Variants in TRIM2 observed in about 807,000 individuals in gnomAD.
TRIM2 encodes the protein tripartite motif containing 2.
A neutral mutation model predicts 75.2 loss-of-function variants in TRIM2; 20 were observed. The ratio of observed to expected loss-of-function variants is 0.27; its 90% CI spans 0.19 to 0.39. The LOEUF (loss-of-function observed/expected upper bound fraction) is 0.39, where lower values mean the gene tolerates loss of function less well. TRIM2 is among the 10% of genes least tolerant of loss of function. The pLI, the probability that TRIM2 is intolerant of heterozygous loss-of-function variation, is 1.00. For missense variants in TRIM2, 660 were observed against 990.8 expected, an observed-to-expected ratio of 0.67 and a Z score of 4.48; for synonymous variants, 373 against 388.3, an observed-to-expected ratio of 0.96 and a Z score of 0.46.
intron 1 of TRIM2, among the ~76,000 whole-genome samples, chr4:153,175,902 C>T (rs1731386435): frequency 6.6e-6 from 1 of 151,860 alleles, no homozygotes; most frequent in East Asian, 1.9e-4. Flanking sequence ...AAGGGGCCGC[C>T]GAGTGCTCTG....
intron 1 of TRIM2, among the ~76,000 whole-genome samples, chr4:153,212,048 C>A (rs566032295): frequency 6.6e-6 from 1 of 152,096 alleles, no homozygotes; most frequent in East Asian, 1.9e-4. Context: ...TAGCTTCTGG[C>A]GGTAGGCTAC....
intron 8 of TRIM2, among the ~76,000 whole-genome samples, chr4:153,318,536 C>CT (rs1491146296): frequency 6.6e-6 from 1 of 152,090 alleles, no homozygotes; most frequent in Non-Finnish European, 1.5e-5. Context: ...CTTCTTCCCC[C>CT]TTTTTTGCAT....
At chr4:153,229,358 G>T (rs889042273) in intron 1 of TRIM2, among the ~76,000 whole-genome samples, 5 of 152,074 alleles carry the variant, frequency 3.3e-5, no homozygotes, top group African/African-American at 1.2e-4. Flanking sequence ...CCGCCTCCCG[G>T]GTTTAAACAA....
chr4:153,253,187 C>G (rs1751269275), intron 1 of TRIM2, among the ~76,000 whole-genome samples: 1 of 152,094 alleles, frequency 6.6e-6, no homozygotes, highest in Non-Finnish European at 1.5e-5. Flanking sequence ...AGAAGTTAAC[C>G]AGGGGCAGGA....
At chr4:153,316,359 T>C (rs186887195) in intron 8 of TRIM2, among the ~76,000 whole-genome samples, 2 of 152,334 alleles carry the variant, frequency 1.3e-5, no homozygotes, top group East Asian at 3.9e-4. Context: ...AGTCTACATG[T>C]TGTCACTTAG....
At chr4:153,237,384 T>TAA (rs34545906) in intron 1 of TRIM2, among the ~76,000 whole-genome samples, 104,444 of 151,802 alleles carry the variant, frequency 0.69, 37,080 homozygotes, top group African/African-American at 0.85. Context: ...TGCATACTAA[T>TAA]AAAAAGAGTC....
chr4:153,328,910 A>G (rs1463660584), intron 11 of TRIM2, among the ~76,000 whole-genome samples: 2 of 152,178 alleles, frequency 1.3e-5, no homozygotes, highest in Admixed American at 1.3e-4. Context: ...GGGTCTGAAG[A>G]TAGAATTCAA....
At chr4:153,165,222 A>T (rs1256780117) in intron 1 of TRIM2, among the ~76,000 whole-genome samples, 2 of 152,194 alleles carry the variant, frequency 1.3e-5, no homozygotes, top group African/African-American at 4.8e-5. Flanking sequence ...AGAACCCCAT[A>T]TCTTTTCCTT....
chr4:153,331,742 G>GGTA (rs372081267), intron 11 of TRIM2, among the ~76,000 whole-genome samples: 1,744 of 152,312 alleles, frequency 0.011, 23 homozygotes, highest in East Asian at 0.076. Context: ...TAAGCTATAT[G>GGTA]ACTTACTATA....
At position 153,246,673 on chromosome 4, in the gene TRIM2, G is replaced by C. The variant is rs74524862; in HGVS notation, c.31-23662G>C. Reference sequence around the variant, plus strand: ...GAGTAGGAAAGAGGGTGGGAGAAAGGGGGAGGAAGAATAGAGGATGAGAGA... The same window carrying C: ...GAGTAGGAAAGAGGGTGGGAGAAAGCGGGAGGAAGAATAGAGGATGAGAGA... On this transcript the variant is annotated intron_variant, in intron 1 of 11. Coordinates refer to ENST00000338700, the MANE Select transcript of TRIM2 (RefSeq NM_015271.5). Among the ~76,000 whole-genome samples, 1,273 of 152,180 alleles carry C rather than the reference G, an allele frequency of 8.4e-3. 17 individuals are homozygous for C. The highest frequency in any genetic ancestry group is 0.029 in the African/African-American group (1,195 of 41,508).
At chr4:153,273,098 A>G (rs886699560) in intron 2 of TRIM2, among the ~76,000 whole-genome samples, 8 of 151,528 alleles carry the variant, frequency 5.3e-5, no homozygotes, top group Non-Finnish European at 1.0e-4. Context: ...CGGCCTCCCA[A>G]AGAGCAGGGA....
chr4:153,244,396 C>A lies in TRIM2; in HGVS notation c.31-25939C>A, dbSNP rs554045666. Among the ~76,000 whole-genome samples, 3 of 80,140 alleles carry A rather than the reference C, an allele frequency of 3.7e-5. 1 individual carries two copies. The highest frequency in any genetic ancestry group is 2.6e-4 in the African/African-American group (3 of 11,618). 52.6% of individuals were successfully genotyped at this position (80,140 alleles called of 152,430 possible). ...TCTTCTTCTTCTTCTTCTTCTTCTTCTTCTTCTTCTTCTTCTTCTTCTTCT... is the reference window on the plus strand; with the variant it reads ...TCTTCTTCTTCTTCTTCTTCTTCTTATTCTTCTTCTTCTTCTTCTTCTTCT... On this transcript the variant is annotated intron_variant, in intron 1 of 11. Coordinates refer to ENST00000338700, the MANE Select transcript of TRIM2 (RefSeq NM_015271.5).
At chr4:153,155,327 A>G (rs778931736) in intron 1 of TRIM2, among the ~76,000 whole-genome samples, 5 of 152,228 alleles carry the variant, frequency 3.3e-5, no homozygotes, top group Non-Finnish European at 5.9e-5. Context: ...CTAGAAATAA[A>G]TACTTCTACT....
chr4:153,280,692 T>A (rs1183106143), intron 3 of TRIM2, among the ~76,000 whole-genome samples: 2 of 56,572 alleles, frequency 3.5e-5, no homozygotes, highest in Non-Finnish European at 6.3e-5. Flanking sequence ...CAGCAAATTC[T>A]TTTTTTTTTT....
At chr4:153,152,405 TGTG>T (rs1728809002), upstream of TRIM2, 1 of 33,724 alleles carries the variant, frequency 3.0e-5, no homozygotes, top group Non-Finnish European at 6.5e-5. Context: ...TATATATATG[TGTG>T]TATATATATA....
rs183923265 is a variant in TRIM2, at chr4:153,328,934, T to C, written c.2163+264T>C. Among the ~76,000 whole-genome samples, 283 of 152,306 alleles carry C rather than the reference T, an allele frequency of 1.9e-3. 1 individual carries two copies. Among genetic ancestry groups the C allele is most frequent in the Middle Eastern group, 0.017 (5 of 294 alleles). On this transcript the variant is annotated intron_variant, in intron 11 of 11. Coordinates refer to ENST00000338700, the MANE Select transcript of TRIM2 (RefSeq NM_015271.5). ...GATAGAATTCAAGGGGGCCATTGAA[T>C]AAAAATACTACATTATTATATTTAT...
chr4:153,200,802 T>C (rs983009714), upstream of TRIM2, among the ~76,000 whole-genome samples: 4 of 149,234 alleles, frequency 2.7e-5, no homozygotes, highest in African/African-American at 7.3e-5. Context: ...TTTTTCTTTT[T>C]TTTTTTCCTT....
intron 1 of TRIM2, among the ~76,000 whole-genome samples, chr4:153,209,765 C>G (rs1363505210): frequency 6.6e-6 from 1 of 152,186 alleles, no homozygotes; most frequent in Admixed American, 6.5e-5. Flanking sequence ...ACATTTAAAT[C>G]TGTAGTACCC....
At chr4:153,322,468 A>G (rs1769225263) in intron 8 of TRIM2, among the ~76,000 whole-genome samples, 180 bp from the exon 9 acceptor site, 1 of 152,176 alleles carries the variant, frequency 6.6e-6, no homozygotes, top group Admixed American at 6.5e-5. Context: ...TCAGCAGCAG[A>G]TAATGGATGT....
Sources: allele counts gnomAD v4.1 joint callset (sites outside exome capture counted in the v4.1 genomes callset), GRCh38; gene constraint gnomAD v4.1.1; transcripts MANE v1.5; gene names NCBI Gene and HGNC (gene_info 2026-07-23, HGNC 2026-07-21).